WDR7: variants seen among roughly 807,000 people sequenced by gnomAD.
WDR7 encodes the protein WD repeat-containing protein 7.
In WDR7, 46 loss-of-function variants were observed where a neutral mutation model predicts 169.4. That is an observed-to-expected ratio of 0.27 (90% CI 0.21 to 0.35). The LOEUF (loss-of-function observed/expected upper bound fraction) is 0.35, where lower values mean the gene tolerates loss of function less well. WDR7 is among the 10% of genes least tolerant of loss of function. The pLI, the probability that WDR7 is intolerant of heterozygous loss-of-function variation, is 1.00. For synonymous variants in WDR7, 612 were observed against 666.8 expected (o/e 0.92, Z 1.27); for missense variants, 1,534 against 1,859.3 (o/e 0.83, Z 3.22).
intron 20 of WDR7, among the ~76,000 whole-genome samples, chr18:56,845,376 A>T (rs1282361122): frequency 6.6e-6 from 1 of 152,098 alleles, no homozygotes; most frequent in South Asian, 2.1e-4. Flanking sequence ...AATAAGATCT[A>T]TGTAAATGTA....
chr18:56,977,325 C>G (rs933485577), intron 26 of WDR7, among the ~76,000 whole-genome samples: 1 of 152,222 alleles, frequency 6.6e-6, no homozygotes, highest in South Asian at 2.1e-4. Flanking sequence ...AAAGTTTCAG[C>G]TGTCCCCTTT....
intron 26 of WDR7, among the ~76,000 whole-genome samples, chr18:57,003,118 G>A (rs1214949383): frequency 6.6e-6 from 1 of 152,108 alleles, no homozygotes; most frequent in African/African-American, 2.4e-5. Context: ...GTAAATTTAT[G>A]AGGCATTTGT....
intron 24 of WDR7, among the ~76,000 whole-genome samples, 191 bp downstream of exon 24, chr18:56,938,873 G>A (rs998016489): frequency 6.6e-6 from 1 of 151,056 alleles, no homozygotes; most frequent in Non-Finnish European, 1.5e-5. Flanking sequence ...TAACTTTTGT[G>A]CCATTTCTGG....
intron 14 of WDR7, among the ~76,000 whole-genome samples, chr18:56,739,426 T>A (rs1310651323): frequency 1.3e-5 from 2 of 152,156 alleles, no homozygotes; most frequent in Non-Finnish European, 2.9e-5. Flanking sequence ...CTTTTTACAT[T>A]TTAGTTGCCA....
intron 26 of WDR7, among the ~76,000 whole-genome samples, chr18:57,000,273 A>G (rs2047956352): frequency 6.6e-6 from 1 of 152,206 alleles, no homozygotes. Context: ...GAAGTAATTC[A>G]GTGGCCAAGA....
At position 57,028,081 on chromosome 18, in the gene WDR7, C is replaced by T. The variant is rs1221264668; in HGVS notation, c.*874C>T. ...ACTCTCCTATCTACTGCTACAGATCCTGTTGAAGAAAGAGCTTACCCCTTT... is the reference window on the plus strand; with the variant it reads ...ACTCTCCTATCTACTGCTACAGATCTTGTTGAAGAAAGAGCTTACCCCTTT... On this transcript the variant is annotated 3_prime_UTR_variant, in exon 28 of 28. Coordinates refer to ENST00000254442, the MANE Select transcript of WDR7 (RefSeq NM_015285.3). The T allele has an allele frequency of 2.0e-5, 3 of 152,176 alleles. No homozygotes were observed. Among genetic ancestry groups the T allele is most frequent in the Non-Finnish European group, 4.4e-5 (3 of 68,040 alleles). The allele number at this position is 152,176 out of a possible 1,614,324, so 9.4% of individuals were successfully genotyped here.
chr18:56,692,516 G>A (rs1341128040), intron 9 of WDR7, among the ~76,000 whole-genome samples: 1 of 149,938 alleles, frequency 6.7e-6, no homozygotes, highest in Non-Finnish European at 1.5e-5. Context: ...CGTTTATGTG[G>A]CCGGGTGGCT....
At chr18:56,821,467 T>A (rs1354049581) in intron 20 of WDR7, among the ~76,000 whole-genome samples, 1 of 152,206 alleles carries the variant, frequency 6.6e-6, no homozygotes, top group Non-Finnish European at 1.5e-5. Context: ...AAAGCTGATG[T>A]GTGGTCTTAA....
At chr18:56,697,257 T>C (rs2025724384) in intron 12 of WDR7, among the ~76,000 whole-genome samples, 1 of 152,192 alleles carries the variant, frequency 6.6e-6, no homozygotes, top group African/African-American at 2.4e-5. Flanking sequence ...TTGAAAACAG[T>C]CTTACTGGTG....
rs1328536038 is a variant in WDR7, at chr18:56,718,071, T to C, written c.1686T>C (p.Pro562=). Residue 562 remains proline, a synonymous_variant, in exon 13 of 28, where the codon CCT becomes CCC. Transcript: ENST00000254442. ...CIMLASRHLF[P]IQVIKWRPSD... ...TGTTGGCATCTCGTCACCTTTTTCC[T>C]ATTCAAGTAATCAAATGGAGGCCTT... 4 of 1,614,180 alleles carry C rather than the reference T, an allele frequency of 2.5e-6. No individual in the cohort carries two copies. Among genetic ancestry groups the C allele is most frequent in the East Asian group, 2.2e-5 (1 of 44,864 alleles).
At chr18:56,834,339 A>G (rs1457045179) in intron 20 of WDR7, among the ~76,000 whole-genome samples, 1 of 152,152 alleles carries the variant, frequency 6.6e-6, no homozygotes, top group Non-Finnish European at 1.5e-5. Flanking sequence ...GCCTTTACTC[A>G]AGGCCAAGGG....
At chr18:56,964,078 C>T (rs142923810) in intron 26 of WDR7, among the ~76,000 whole-genome samples, 9 of 151,002 alleles carry the variant, frequency 6.0e-5, no homozygotes, top group East Asian at 5.8e-4. Context: ...CACTGTGAGG[C>T]GACCCCAAGA....
At chr18:56,791,705 G>A (rs2044487593) in intron 19 of WDR7, among the ~76,000 whole-genome samples, 1 of 152,140 alleles carries the variant, frequency 6.6e-6, no homozygotes, top group African/African-American at 2.4e-5. Flanking sequence ...AGTCTCAGAT[G>A]TCACCTATTT....
intron 25 of WDR7, among the ~76,000 whole-genome samples, chr18:56,941,218 C>T (rs989707561): frequency 1.3e-5 from 2 of 151,878 alleles, no homozygotes; most frequent in African/African-American, 4.8e-5. Flanking sequence ...ATACCAGGGA[C>T]TGAGGTAGGC....
At chr18:56,966,080 CATG>C (rs1349609400) in intron 26 of WDR7, among the ~76,000 whole-genome samples, 1 of 152,114 alleles carries the variant, frequency 6.6e-6, no homozygotes, top group Non-Finnish European at 1.5e-5. Flanking sequence ...CAAAGGCAGA[CATG>C]GTGGTGGGCA....
chr18:57,010,101 GCT>G, intron 26 of WDR7: 1 of 985,474 alleles, frequency 1.0e-6, no homozygotes, highest in East Asian at 1.1e-4. Flanking sequence ...CATTCATGCT[GCT>G]GAGGAACTCC....
chr18:56,868,573 G>A (rs779337650), intron 20 of WDR7, among the ~76,000 whole-genome samples: 2 of 152,040 alleles, frequency 1.3e-5, no homozygotes, highest in African/African-American at 2.4e-5. Flanking sequence ...TTACAGAAAC[G>A]TACCATGTCT....
intron 26 of WDR7, among the ~76,000 whole-genome samples, chr18:57,009,554 A>G: frequency 6.6e-6 from 1 of 152,324 alleles, no homozygotes; most frequent in South Asian, 2.1e-4. Context: ...TAATAAGTGG[A>G]AGAGGCATAA....
intron 26 of WDR7, among the ~76,000 whole-genome samples, chr18:57,008,745 T>G (rs982898913): frequency 6.6e-6 from 1 of 152,224 alleles, no homozygotes; most frequent in African/African-American, 2.4e-5. Flanking sequence ...TCTATTACGC[T>G]GTTGATTGCA....
Sources: allele counts gnomAD v4.1 joint callset (sites outside exome capture counted in the v4.1 genomes callset), GRCh38; gene constraint gnomAD v4.1.1; transcripts MANE v1.5; gene names NCBI Gene and HGNC (gene_info 2026-07-23, HGNC 2026-07-21).